Variants in TNR observed in about 807,000 individuals in gnomAD.
The protein encoded by TNR is tenascin-R.
In TNR, 45 loss-of-function variants were observed where a neutral mutation model predicts 150.4. That is an observed-to-expected ratio of 0.30 (90% confidence interval 0.24 to 0.38). The LOEUF is 0.38. Ranked by LOEUF, TNR falls within the 10% of genes least tolerant of loss-of-function variation. The probability of loss-of-function intolerance (pLI) is 1.00; values close to 1 mark genes in which losing one functional copy is unlikely to be tolerated. For synonymous variants in TNR, 687 were observed against 678.4 expected (o/e 1.01, Z -0.20); for missense variants, 1,544 against 1,759.1 (o/e 0.88, Z 2.19).
chr1:175,555,494 C>A (rs1411118140), intron 1 of TNR, among the ~76,000 whole-genome samples: 1 of 144,880 alleles, frequency 6.9e-6, no homozygotes, highest in Non-Finnish European at 1.5e-5. Context: ...CACATTAGTG[C>A]TGACTCACCG....
chr1:175,386,070 G>T lies in TNR; in HGVS notation c.1739C>A (p.Thr580Asn). 6.2e-7 allele frequency: 1 copy of T among 1,606,464 alleles called. No individual in the cohort carries two copies. The highest frequency in any genetic ancestry group is 1.1e-5 in the South Asian group (1 of 90,708). Residue 580 changes from threonine to asparagine, a missense_variant, in exon 8 of 23, where the codon ACC (threonine) becomes AAC (asparagine). By Grantham distance (65) the Thr-to-Asn change is moderately conservative. Transcript: ENST00000367674. The part of the protein sequence containing the change: ...YEVSVSAVRG[T>N]NESDSATTQF... ...AGTGGTGGCAGAATCGCTCTCGTTG[G>T]TCCCTCGGACGGCACTGACTGACAC...
intron 1 of TNR, among the ~76,000 whole-genome samples, chr1:175,692,830 T>C (rs1666410499): frequency 6.6e-6 from 1 of 152,172 alleles, no homozygotes; most frequent in Non-Finnish European, 1.5e-5. Context: ...GGATTATTTG[T>C]TACACATTGT....
intron 1 of TNR, among the ~76,000 whole-genome samples, chr1:175,719,281 C>T (rs943355473): frequency 6.6e-6 from 1 of 152,204 alleles, no homozygotes; most frequent in Non-Finnish European, 1.5e-5. Flanking sequence ...GGGGCATGAT[C>T]TAAGAAGCTC....
intron 1 of TNR, among the ~76,000 whole-genome samples, chr1:175,718,472 T>A (rs1175235580): frequency 6.6e-6 from 1 of 151,892 alleles, no homozygotes; most frequent in African/African-American, 2.4e-5. Context: ...GGGAAGGAGG[T>A]GGCCAAGGTC....
chr1:175,363,205 C>A lies in TNR; in HGVS notation c.2708-396G>T, dbSNP rs551984437. On this transcript the variant is annotated intron_variant, in intron 13 of 22. Coordinates refer to ENST00000367674, the MANE Select transcript of TNR (RefSeq NM_003285.3). ...TGTGCCCTCCACTTCCTTAAAAATG[C>A]CACATGTACCAGCAAGAACTGGCAG... Among the ~76,000 whole-genome samples the A allele has an allele frequency of 2.5e-4, 38 of 152,308 alleles. 2 individuals are homozygous for A. In the East Asian group the frequency reaches 6.8e-3, roughly 27 times the overall value.
chr1:175,630,157 C>T (rs1407498380), intron 1 of TNR, among the ~76,000 whole-genome samples: 2 of 152,240 alleles, frequency 1.3e-5, no homozygotes, highest in East Asian at 1.9e-4. Context: ...GGGCTCCATG[C>T]TGAAAAAATA....
At chr1:175,537,243 A>G (rs1416602676) in intron 1 of TNR, among the ~76,000 whole-genome samples, 1 of 152,224 alleles carries the variant, frequency 6.6e-6, no homozygotes, top group Admixed American at 6.5e-5. Flanking sequence ...CTCCTCAGTG[A>G]AAGAGCCAAA....
chr1:175,627,317 T>C lies in TNR; in HGVS notation c.-164-98948A>G, dbSNP rs182615639. 9.3e-4 allele frequency among the ~76,000 whole-genome samples: 141 copies of C among 152,336 alleles called. No individual in the cohort carries two copies. The South Asian group carries it at 0.01, about 11-fold the overall frequency. On this transcript the variant is annotated intron_variant, in intron 1 of 22. Coordinates refer to ENST00000367674, the MANE Select transcript of TNR (RefSeq NM_003285.3). ...GTGCACAAGCTGGGATGAAAAACTC[T>C]GATCCTTAGATCAGAGTTTATAAAA...
chr1:175,720,914 A>C (rs1056973808), intron 1 of TNR, among the ~76,000 whole-genome samples: 6 of 152,202 alleles, frequency 3.9e-5, no homozygotes, highest in African/African-American at 1.4e-4. Context: ...CACCTTTTCC[A>C]TGAAGACTTT....
chr1:175,738,292 A>G (rs974811731), intron 1 of TNR, among the ~76,000 whole-genome samples: 4 of 152,230 alleles, frequency 2.6e-5, no homozygotes, highest in African/African-American at 9.6e-5. Context: ...TGGATGGATG[A>G]ATAAACAAAA....
intron 1 of TNR, among the ~76,000 whole-genome samples, chr1:175,686,776 A>G (rs764602346): frequency 6.6e-6 from 1 of 152,130 alleles, no homozygotes. Flanking sequence ...TTCACTTAGG[A>G]TAATGACCTC....
intron 1 of TNR, among the ~76,000 whole-genome samples, chr1:175,701,240 C>T (rs1558080750): frequency 6.6e-6 from 1 of 152,240 alleles, no homozygotes; most frequent in East Asian, 1.9e-4. Context: ...TTGCTGTGCT[C>T]CTGCCTCTCA....
chr1:175,366,222 T>C, intron 10 of TNR, 84 bp from the exon 11 acceptor site: 9 of 1,413,016 alleles, frequency 6.4e-6, no homozygotes, highest in Non-Finnish European at 8.6e-6. Flanking sequence ...GTTTCCAAGC[T>C]ATCAGCAGGC....
chr1:175,393,256 A>G (rs1443527970), intron 6 of TNR, among the ~76,000 whole-genome samples: 1 of 152,236 alleles, frequency 6.6e-6, no homozygotes, highest in Non-Finnish European at 1.5e-5. Flanking sequence ...TGCTAAATTA[A>G]TAGGATACAA....
At chr1:175,382,105 C>G (rs1023066012) in intron 8 of TNR, among the ~76,000 whole-genome samples, 2 of 152,202 alleles carry the variant, frequency 1.3e-5, no homozygotes, top group African/African-American at 4.8e-5. Flanking sequence ...GTTTATTTCG[C>G]TTTTCATTAT....
At chr1:175,379,270 A>G (rs1486023987) in intron 9 of TNR, among the ~76,000 whole-genome samples, 1 of 151,884 alleles carries the variant, frequency 6.6e-6, no homozygotes, top group African/African-American at 2.4e-5. Context: ...GGTTAAGATA[A>G]TAGATGAGAA....
intron 1 of TNR, among the ~76,000 whole-genome samples, chr1:175,592,470 C>A (rs75802301): frequency 0.052 from 7,884 of 152,308 alleles, 269 homozygotes; most frequent in South Asian, 0.085. Context: ...GTGACCCAGC[C>A]CCTGCGGGAG....
At chr1:175,664,609 A>C (rs950567054) in intron 1 of TNR, among the ~76,000 whole-genome samples, 8 of 152,196 alleles carry the variant, frequency 5.3e-5, no homozygotes, top group African/African-American at 1.9e-4. Context: ...TATTTTCTAT[A>C]ATTGCAAAGC....
At chr1:175,595,867 T>C (rs543100106) in intron 1 of TNR, among the ~76,000 whole-genome samples, 1 of 152,330 alleles carries the variant, frequency 6.6e-6, no homozygotes, top group South Asian at 2.1e-4. Flanking sequence ...TTATTACTCA[T>C]AACATCCTTA....
Sources: allele counts gnomAD v4.1 joint callset (sites outside exome capture counted in the v4.1 genomes callset), GRCh38; gene constraint gnomAD v4.1.1; transcripts MANE v1.5; gene names NCBI Gene and HGNC (gene_info 2026-07-23, HGNC 2026-07-21).